The following FAH variants were observed in gnomAD, a reference collection of about 807,000 sequenced individuals.
The protein encoded by FAH is fumarylacetoacetase.
A neutral mutation model predicts 55.8 loss-of-function variants in FAH; 47 were observed. The observed-to-expected ratio is 0.84, with a 90% CI of 0.67 to 1.07. The LOEUF (loss-of-function observed/expected upper bound fraction) is 1.07, where lower values mean the gene tolerates loss of function less well. Ranked by LOEUF, FAH falls within the 50% of genes least tolerant of loss-of-function variation. FAH has a pLI of 0.00. For synonymous variants in FAH, 199 were observed against 207.7 expected (o/e 0.96, Z 0.36); for missense variants, 495 against 545.9 (o/e 0.91, Z 0.93).
intron 7 of FAH, 47 bp from the exon 8 acceptor site, chr15:80,172,102 G>T: frequency 7.2e-7 from 1 of 1,394,624 alleles, no homozygotes. Context: ...CAAGTGACCT[G>T]GGCGGCAGAT....
At chr15:80,174,017 T>C (rs2142102487) in intron 9 of FAH, among the ~76,000 whole-genome samples, 1 of 152,326 alleles carries the variant, frequency 6.6e-6, no homozygotes, top group Non-Finnish European at 1.5e-5. Context: ...TCATGTTTGC[T>C]GTGCTACAAA....
intron 7 of FAH, among the ~76,000 whole-genome samples, chr15:80,170,365 T>A (rs2041230080): frequency 6.6e-6 from 1 of 152,118 alleles, no homozygotes; most frequent in African/African-American, 2.4e-5. Context: ...AAGCCCTGGT[T>A]GGTGGAGGCA....
intron 5 of FAH, chr15:80,167,069 T>C (rs1159864819): frequency 6.7e-6 from 1 of 150,254 alleles, no homozygotes; most frequent in East Asian, 1.9e-4. Context: ...TTTTTTTTTC[T>C]AGTGCCTGTA....
rs1290815809 is a variant in FAH at position 80,181,106 on chromosome 15, G to T, written c.1127G>T (p.Gly376Val). ...AAGGGAACGAAGCCCATAGACCTGG[G>T]GAATGGTCAGACCAGGAAGTTTCTG... ...SWKGTKPIDL[G>V]NGQTRKFLLD... The change falls in exon 13 of 14, where the codon GGG becomes GTG. Residue 376 changes from glycine to valine, a missense_variant. Transcript: ENST00000561421. 3 of 1,613,992 alleles carry T rather than the reference G, an allele frequency of 1.9e-6. No homozygotes were observed. Among genetic ancestry groups the T allele is most frequent in the Middle Eastern group, 1.6e-4 (1 of 6,062 alleles).
chr15:80,177,285 G>A, intron 10 of FAH: 1 of 532,898 alleles, frequency 1.9e-6, no homozygotes, highest in South Asian at 2.0e-5. Context: ...TATGGACTCA[G>A]AGCAAACATG....
intron 13 of FAH, among the ~76,000 whole-genome samples, chr15:80,182,081 G>A (rs1345077196): frequency 4.6e-5 from 7 of 152,188 alleles, no homozygotes; most frequent in Non-Finnish European, 1.0e-4. Context: ...ACTCTGGGGA[G>A]CGTCTGTCCC....
intron 8 of FAH, 106 bp from the exon 9 acceptor site, chr15:80,172,908 G>T: frequency 1.5e-6 from 2 of 1,324,914 alleles, no homozygotes; most frequent in South Asian, 2.4e-5. Context: ...TCTTTGTGGA[G>T]ATGGCAGTGC....
At chr15:80,173,852 C>G (rs1330145897) in intron 9 of FAH, 3 of 158,634 alleles carry the variant, frequency 1.9e-5, no homozygotes, top group Non-Finnish European at 4.2e-5. Context: ...CTCTCCAATT[C>G]TGACCTCCCT....
At chr15:80,168,209 G>A in intron 6 of FAH, 55 bp from the exon 7 acceptor site, 1 of 1,609,054 alleles carries the variant, frequency 6.2e-7, no homozygotes, top group Non-Finnish European at 8.5e-7. Flanking sequence ...CACACAGAGA[G>A]TTCTGTGGCC....
chr15:80,172,890 G>T, intron 8 of FAH, 124 bp from the exon 9 acceptor site: 2 of 1,298,954 alleles, frequency 1.5e-6, no homozygotes, highest in African/African-American at 1.5e-5. Context: ...CAGCCTGACT[G>T]GGGCTGATCT....
Position 80,159,656 on chromosome 15 carries a change from A to C in FAH, c.193-100A>C, listed in dbSNP as rs2041130211. 2.9e-6 allele frequency: 4 copies of C among 1,374,526 alleles called. No individual in the cohort carries two copies. In the African/African-American group the frequency reaches 4.3e-5, roughly 15 times the overall value. The allele number at this position is 1,374,526 out of a possible 1,614,324, so 85.1% of individuals were successfully genotyped here. On this transcript the variant is annotated intron_variant, in intron 2 of 13. Transcript: ENST00000561421. ...TGAGAGTTTGAGTTAGCGGGAGAGA[A>C]GTGGCAAGGGCTGGCAGGCTGGCTG... is the stretch of plus-strand genomic sequence containing the variant.
intron 13 of FAH, among the ~76,000 whole-genome samples, chr15:80,184,371 C>T (rs1396641835): frequency 6.6e-6 from 1 of 152,158 alleles, no homozygotes; most frequent in Non-Finnish European, 1.5e-5. Flanking sequence ...ATTCCAGTTT[C>T]TCTCCCCAGC....
Position 80,186,280 on chromosome 15 carries a change from C to A in FAH, c.*71C>A. On this transcript the variant is annotated 3_prime_UTR_variant, in exon 14 of 14. Transcript: ENST00000561421. ...CAACCCTGTGACTGGGGTCCTCCCT[C>A]GGGCTGTAGGCCTGGTCCGCCATTC... 7.9e-7 allele frequency: 1 copy of A among 1,272,018 alleles called. No homozygotes were observed. Among genetic ancestry groups the A allele is most frequent in the Non-Finnish European group, 1.2e-6 (1 of 868,330 alleles). The allele number at this position is 1,272,018 out of a possible 1,614,324, so 78.8% of individuals were successfully genotyped here.
chr15:80,167,915 G>A, intron 5 of FAH, 137 bp from the exon 6 acceptor site: 1 of 713,654 alleles, frequency 1.4e-6, no homozygotes, highest in Admixed American at 2.1e-5. Flanking sequence ...TCTGTGGATG[G>A]AAACTTGTAA....
intron 4 of FAH, among the ~76,000 whole-genome samples, chr15:80,161,624 G>A (rs2041149622): frequency 6.6e-6 from 1 of 152,204 alleles, no homozygotes; most frequent in Admixed American, 6.5e-5. Flanking sequence ...TCTGCAGTGT[G>A]CAAGCCCTTG....
chr15:80,167,160 A>G (rs2041198994), intron 5 of FAH: 1 of 151,580 alleles, frequency 6.6e-6, no homozygotes. Flanking sequence ...GTCTGTATCC[A>G]TTTCCTGGGG....
chr15:80,179,786 A>G (rs1242759258), intron 11 of FAH, among the ~76,000 whole-genome samples: 1 of 152,142 alleles, frequency 6.6e-6, no homozygotes, highest in Non-Finnish European at 1.5e-5. Flanking sequence ...GGAGTGTTGT[A>G]CACAAGGGCA....
intron 8 of FAH, among the ~76,000 whole-genome samples, chr15:80,172,673 CT>C (rs1256354012): frequency 1.3e-5 from 2 of 152,226 alleles, no homozygotes; most frequent in African/African-American, 4.8e-5. Context: ...AGCCTGAGCT[CT>C]CAACCCTTTG....
chr15:80,153,149 C>A lies in FAH; in HGVS notation c.81+14C>A. 6.3e-7 allele frequency: 1 copy of A among 1,583,616 alleles called. No individual in the cohort carries two copies. On this transcript the variant is annotated intron_variant, in intron 1 of 13. Transcript: ENST00000561421. ...ACCAGAGGCGACGTGAGCAGTGGGG[C>A]TTTGGCGTCCGGGCGCGGGGAGGGA...
Sources: gnomAD v4.1 joint callset for allele counts (sites outside exome capture counted in the v4.1 genomes callset) on GRCh38, gnomAD v4.1.1 for gene constraint, MANE v1.5 for transcripts, NCBI Gene and HGNC (gene_info 2026-07-23, HGNC 2026-07-21) for gene names.